SLC28A2: variants seen among roughly 807,000 people sequenced by gnomAD.
The protein encoded by SLC28A2 is solute carrier family 28 member 2.
Under a neutral mutation model 72.9 loss-of-function variants are expected in SLC28A2, and 69 were observed. That is an observed-to-expected ratio of 0.95 (90% CI 0.78 to 1.16). The LOEUF (loss-of-function observed/expected upper bound fraction) is 1.16, where lower values mean the gene tolerates loss of function less well. SLC28A2 is among the 50% of genes most tolerant of loss of function. The pLI is 0.00. For missense variants in SLC28A2, 745 were observed against 791.1 expected, an observed-to-expected ratio of 0.94 and a Z score of 0.70; for synonymous variants, 296 against 294.1, an observed-to-expected ratio of 1.01 and a Z score of -0.07.
At chr15:45,258,566 A>G (rs1216317844) in intron 3 of SLC28A2, among the ~76,000 whole-genome samples, 2 of 152,216 alleles carry the variant, frequency 1.3e-5, no homozygotes, top group African/African-American at 2.4e-5. Context: ...TGGACTTTAT[A>G]TGGGAAGTCT....
intron 3 of SLC28A2, among the ~76,000 whole-genome samples, chr15:45,257,499 A>T (rs777429965): frequency 3.3e-5 from 5 of 152,252 alleles, no homozygotes; most frequent in Non-Finnish European, 7.3e-5. Context: ...AACATTCAAA[A>T]TTCAATAAAT....
chr15:45,267,785 G>T lies in SLC28A2; in HGVS notation c.1188G>T (p.Lys396Asn). The change falls in exon 12 of 18, where the codon AAG becomes AAT. Residue 396 changes from lysine (K) to asparagine (N), a missense_variant. Transcript: ENST00000347644. Reference protein sequence around the residue: ...ESKFKSEEGVKLPRGKERNVL... With the variant: ...ESKFKSEEGVNLPRGKERNVL... The stretch of plus-strand genomic sequence containing the variant: ...AGTTCAAGAGTGAGGAGGGGGTAAA[G>T]CTGCCCCGTGGGTGAGTCCAAGGAG... 1 of 1,614,116 alleles carries T rather than the reference G, an allele frequency of 6.2e-7. No individual in the cohort carries two copies. The highest frequency in any genetic ancestry group is 8.5e-7 in the Non-Finnish European group (1 of 1,180,006).
chr15:45,266,587 T>C (rs1355011101), intron 10 of SLC28A2, among the ~76,000 whole-genome samples: 2 of 152,200 alleles, frequency 1.3e-5, no homozygotes, highest in Non-Finnish European at 2.9e-5. Flanking sequence ...CTCTTCCCCA[T>C]AATACTTGCT....
chr15:45,263,772 T>C (rs1595675766), intron 5 of SLC28A2, 109 bp from the exon 6 acceptor site: 3 of 1,049,282 alleles, frequency 2.9e-6, no homozygotes, highest in Non-Finnish European at 4.1e-6. Flanking sequence ...GGCACATGCA[T>C]GGCCTTTGAT....
chr15:45,272,048 A>C, intron 15 of SLC28A2: 1 of 457,894 alleles, frequency 2.2e-6, no homozygotes, highest in Non-Finnish European at 3.9e-6. Flanking sequence ...ATGTTCACAG[A>C]ACCATTAAAG....
intron 13 of SLC28A2, among the ~76,000 whole-genome samples, chr15:45,268,805 G>A (rs1313596643): frequency 6.6e-6 from 1 of 151,962 alleles, no homozygotes; most frequent in African/African-American, 2.4e-5. Context: ...AAGAAAATGT[G>A]GCATATATAC....
Position 45,264,680 on chromosome 15 carries a change from G to C in SLC28A2, c.614G>C (p.Gly205Ala). 6.2e-7 allele frequency: 1 copy of C among 1,612,970 alleles called. No homozygotes were observed. The highest frequency in any genetic ancestry group is 1.3e-5 in the African/African-American group (1 of 74,982). Residue 205 changes from glycine to alanine, a missense_variant, in exon 7 of 18, where the codon GGC (glycine) becomes GCC (alanine). Transcript: ENST00000347644. ...GTGTCCTGGAGGACAGTGTTTTCGG[G>C]CCTAGGTCTTCAATTTGTCTTTGGG... ...SAVSWRTVFS[G>A]LGLQFVFGIL...
chr15:45,259,188 CAA>C (rs1257263185), intron 3 of SLC28A2, among the ~76,000 whole-genome samples: 1 of 151,768 alleles, frequency 6.6e-6, no homozygotes, highest in East Asian at 1.9e-4. Flanking sequence ...GAAATACAAA[CAA>C]GAGTACATTT....
intron 3 of SLC28A2, among the ~76,000 whole-genome samples, chr15:45,261,087 G>A (rs1334678579): frequency 6.6e-6 from 1 of 152,216 alleles, no homozygotes. Context: ...AAGCTGCCCT[G>A]CCTCAGCATG....
At chr15:45,265,208 G>C in intron 8 of SLC28A2, 42 bp downstream of exon 8, 1 of 1,275,090 alleles carries the variant, frequency 7.8e-7, no homozygotes, top group South Asian at 1.2e-5. Context: ...TCTATGGAGG[G>C]GTAGAGGAAT....
At chr15:45,269,181 A>C (rs142585851) in intron 13 of SLC28A2, among the ~76,000 whole-genome samples, 157 bp from the exon 14 acceptor site, 49 of 152,202 alleles carry the variant, frequency 3.2e-4, no homozygotes, top group African/African-American at 1.1e-3. Context: ...AATAAAAAAA[A>C]AACAACCATG....
Position 45,272,359 on chromosome 15 carries a change from G to T in SLC28A2, c.1713G>T (p.Gly571=). 6.2e-7 allele frequency: 1 copy of T among 1,613,960 alleles called. No homozygotes were observed. Among genetic ancestry groups the T allele is most frequent in the Non-Finnish European group, 8.5e-7 (1 of 1,179,996 alleles). Residue 571 remains glycine (G), a synonymous_variant, in exon 16 of 18, where the codon GGG becomes GGT. Transcript: ENST00000347644. ...SKVVVRALFT[G]ACVSLISACM... is the part of the protein sequence containing the mutation. ...TTGTGGTCAGGGCCCTCTTCACAGGGGCCTGTGTATCCCTTATCAGTGCCT... is the reference window on the plus strand; with the variant it reads ...TTGTGGTCAGGGCCCTCTTCACAGGTGCCTGTGTATCCCTTATCAGTGCCT...
chr15:45,264,006 C>T lies in SLC28A2; in HGVS notation c.572C>T (p.Ser191Phe). ...CMFILILFAC[S>F]KHHSAVSWRT... ...TTCATCCTTATCCTCTTTGCCTGCT[C>T]CAAACACCACAGCGCAGTGAGTTTT... Residue 191 changes from serine to phenylalanine, a missense_variant, in exon 6 of 18, where the codon TCC becomes TTC. Physicochemically the swap from Ser to Phe is radical, Grantham distance 155. Transcript: ENST00000347644. 1 of 1,612,588 alleles carries T rather than the reference C, an allele frequency of 6.2e-7. No individual in the cohort carries two copies. Among genetic ancestry groups the T allele is most frequent in the Non-Finnish European group, 8.5e-7 (1 of 1,179,314 alleles).
At position 45,268,207 on chromosome 15, in the gene SLC28A2, C is replaced by T. The variant is rs1203135381; in HGVS notation, c.1200-3C>T. 7 of 1,596,882 alleles carry T rather than the reference C, an allele frequency of 4.4e-6. No homozygotes were observed. The highest frequency in any genetic ancestry group is 6.0e-6 in the Non-Finnish European group (7 of 1,165,834). On this transcript the variant is annotated splice_polypyrimidine_tract_variant and splice_region_variant and intron_variant, in intron 12 of 17. Transcript: ENST00000347644. ...ACTCTTGCCCTCTGCCCAATAACCA[C>T]AGGAAGGAGAGGAATGTCCTGGAAG...
At chr15:45,265,922 C>G in intron 9 of SLC28A2, 159 bp from the exon 10 acceptor site, 1 of 640,806 alleles carries the variant, frequency 1.6e-6, no homozygotes, top group Non-Finnish European at 2.8e-6. Flanking sequence ...GAGTTCTGGT[C>G]AAGGCTCTGT....
At position 45,275,524 on chromosome 15, in the gene SLC28A2, T is replaced by A. The variant is rs1900728499; in HGVS notation, c.*11T>A. The stretch of plus-strand genomic sequence containing the variant: ...ACCGTCTGTGCCTAAGGCTGCTTGA[T>A]CTATTTCTATAACAGTTTTGATCTT... On this transcript the variant is annotated 3_prime_UTR_variant, in exon 18 of 18. Coordinates refer to ENST00000347644, the MANE Select transcript of SLC28A2 (RefSeq NM_004212.4). 6.6e-7 allele frequency: 1 copy of A among 1,503,760 alleles called. No individual in the cohort carries two copies. The highest frequency in any genetic ancestry group is 9.2e-7 in the Non-Finnish European group (1 of 1,081,358). The allele number at this position is 1,503,760 out of a possible 1,614,324, so 93.2% of individuals were successfully genotyped here.
Position 45,253,287 on chromosome 15 carries a change from G to A in SLC28A2, c.72G>A (p.Leu24=), listed in dbSNP as rs757958215. 2 of 1,611,860 alleles carry A rather than the reference G, an allele frequency of 1.2e-6. No individual in the cohort carries two copies. Among genetic ancestry groups the A allele is most frequent in the Non-Finnish European group, 8.5e-7 (1 of 1,178,096 alleles). ...AGACTGGCACAGTGAACCCGGGGCT[G>A]GAGCTCATGGTAATCACCAGTTTAG... The part of the protein sequence containing the change: ...TVETGTVNPG[L]ELMEKEVEPE... The change falls in exon 2 of 18, where the codon CTG becomes CTA. Residue 24 remains leucine (L), a synonymous_variant. Transcript: ENST00000347644.
Position 45,266,115 on chromosome 15 carries a change from C to T in SLC28A2, c.896C>T (p.Thr299Ile). The T allele has an allele frequency of 6.2e-7, 1 of 1,613,882 alleles. No homozygotes were observed. Residue 299 changes from threonine to isoleucine, a missense_variant, in exon 10 of 18, where the codon ACT (threonine) becomes ATT (isoleucine). Transcript: ENST00000347644. Reference sequence around the variant, plus strand: ...TTTTTACAAATCACTATGGGCACCACTGCTACAGAGACCCTGGCTGTGGCA... The same window carrying T: ...TTTTTACAAATCACTATGGGCACCATTGCTACAGAGACCCTGGCTGTGGCA... ...AWFLQITMGT[T>I]ATETLAVAGN...
Position 45,265,143 on chromosome 15 carries a change from G to A in SLC28A2, c.757G>A (p.Val253Ile), listed in dbSNP as rs778108019. 2.5e-6 allele frequency: 4 copies of A among 1,610,656 alleles called. No individual in the cohort carries two copies. The Admixed American group carries it at 5.0e-5, about 20-fold the overall frequency. ...CAGTTTTGTCTTTGGGGATACACTG[G>A]TCAAGGATGTCTTTGCTTTTCAGGT... ...GSSFVFGDTL[V>I]KDVFAFQALP... The change falls in exon 8 of 18, where the codon GTC becomes ATC. Residue 253 changes from valine to isoleucine, a missense_variant. Coordinates refer to ENST00000347644, the MANE Select transcript of SLC28A2 (RefSeq NM_004212.4).
Sources: allele counts gnomAD v4.1 joint callset (sites outside exome capture counted in the v4.1 genomes callset), GRCh38; gene constraint gnomAD v4.1.1; transcripts MANE v1.5; gene names NCBI Gene and HGNC (gene_info 2026-07-23, HGNC 2026-07-21).